The following AGMO variants were observed in gnomAD, a reference collection of about 807,000 sequenced individuals.
AGMO encodes glyceryl-ether monooxygenase.
A neutral mutation model predicts 60.2 loss-of-function variants in AGMO; 75 were observed. The ratio of observed to expected loss-of-function variants is 1.25; its 90% CI spans 1.03 to 1.51. The LOEUF is 1.51. Among genes scored for constraint, AGMO ranks in the 40% most tolerant of loss-of-function variants. AGMO has a pLI of 0.00. For synonymous variants in AGMO, 261 were observed against 177.1 expected (o/e 1.47, Z -3.76); for missense variants, 763 against 525.5 (o/e 1.45, Z -4.42).
chr7:15,246,712 T>G (rs1289130244), intron 12 of AGMO, among the ~76,000 whole-genome samples: 3 of 152,210 alleles, frequency 2.0e-5, no homozygotes, highest in Non-Finnish European at 4.4e-5. Flanking sequence ...TCTTTCTTTC[T>G]TGAACCTAGC....
intron 3 of AGMO, among the ~76,000 whole-genome samples, chr7:15,506,004 A>G (rs1417077650): frequency 6.6e-6 from 1 of 152,072 alleles, no homozygotes; most frequent in East Asian, 1.9e-4. Flanking sequence ...TTAGAAAAGA[A>G]CCAGAAAATA....
chr7:15,493,075 T>G (rs1000094130), intron 3 of AGMO, among the ~76,000 whole-genome samples: 1 of 152,116 alleles, frequency 6.6e-6, no homozygotes, highest in Non-Finnish European at 1.5e-5. Context: ...TCAAACTTCA[T>G]GTGTAAACAT....
At chr7:15,345,475 T>C (rs903935461) in intron 12 of AGMO, among the ~76,000 whole-genome samples, 3 of 152,190 alleles carry the variant, frequency 2.0e-5, no homozygotes, top group African/African-American at 7.2e-5. Context: ...CTGGATTATT[T>C]ATGTTTCCCT....
chr7:15,342,023 A>C lies in AGMO; in HGVS notation c.1263+23491T>G, dbSNP rs373731632. 4.6e-5 allele frequency among the ~76,000 whole-genome samples: 7 copies of C among 152,132 alleles called. No individual in the cohort carries two copies. The East Asian group carries it at 1.2e-3, about 25-fold the overall frequency. On this transcript the variant is annotated intron_variant, in intron 12 of 12. Coordinates refer to ENST00000342526, the MANE Select transcript of AGMO (RefSeq NM_001004320.2). ...ATTTGGGTGGAGACACAGCCAAAGC[A>C]TATCTGTATCTCGCCATGAATGCTC...
chr7:15,423,306 T>C (rs1780973120), intron 4 of AGMO, among the ~76,000 whole-genome samples: 1 of 152,310 alleles, frequency 6.6e-6, no homozygotes, highest in South Asian at 2.1e-4. Flanking sequence ...TACCTGATTA[T>C]AGATAGAGAG....
chr7:15,327,073 C>T (rs1269057550), intron 12 of AGMO, among the ~76,000 whole-genome samples: 1 of 152,068 alleles, frequency 6.6e-6, no homozygotes, highest in Non-Finnish European at 1.5e-5. Flanking sequence ...AGATTTGAAT[C>T]CCATATTGTG....
At chr7:15,174,026 T>C in the AGMO span, among the ~76,000 whole-genome samples, 2 of 152,010 alleles carry the variant, frequency 1.3e-5, no homozygotes, top group African/African-American at 4.8e-5. Context: ...TTTATTTCTG[T>C]TTAGAGATGT....
intron 12 of AGMO, among the ~76,000 whole-genome samples, chr7:15,340,046 G>A (rs1781791619): frequency 6.6e-6 from 1 of 152,174 alleles, no homozygotes; most frequent in Admixed American, 6.5e-5. Flanking sequence ...AGTTGCTTGA[G>A]ACTAGAAGTG....
chr7:15,388,217 C>G (rs924341068), intron 8 of AGMO, among the ~76,000 whole-genome samples: 4 of 152,078 alleles, frequency 2.6e-5, no homozygotes, highest in Non-Finnish European at 5.9e-5. Flanking sequence ...GAATCTGAAG[C>G]AATTCAGAAA....
the AGMO span, among the ~76,000 whole-genome samples, chr7:15,171,853 G>A: frequency 2.0e-5 from 3 of 152,032 alleles, no homozygotes; most frequent in Admixed American, 1.3e-4. Flanking sequence ...ACAAATGTAA[G>A]CTGACTTTAA....
chr7:15,393,217 C>T (rs959902262), intron 6 of AGMO, among the ~76,000 whole-genome samples: 12 of 152,232 alleles, frequency 7.9e-5, no homozygotes, highest in Admixed American at 5.9e-4. Flanking sequence ...TCCCCTTCTA[C>T]TCGACTCCCT....
intron 3 of AGMO, among the ~76,000 whole-genome samples, chr7:15,444,601 G>C (rs972322003): frequency 2.0e-5 from 3 of 152,094 alleles, no homozygotes; most frequent in African/African-American, 7.2e-5. Flanking sequence ...AACATTCTTT[G>C]CTCCTGATTC....
intron 3 of AGMO, among the ~76,000 whole-genome samples, chr7:15,511,055 A>G (rs1264500167): frequency 6.6e-6 from 1 of 152,140 alleles, no homozygotes; most frequent in Non-Finnish European, 1.5e-5. Context: ...TGTGAACTAT[A>G]CATACATTTA....
chr7:15,182,189 G>C, the AGMO span, among the ~76,000 whole-genome samples: 1 of 152,150 alleles, frequency 6.6e-6, no homozygotes, highest in Non-Finnish European at 1.5e-5. Flanking sequence ...TGTTTTCTTA[G>C]GTTTGGGGGA....
At chr7:15,480,637 C>T (rs1466041996) in intron 3 of AGMO, among the ~76,000 whole-genome samples, 2 of 152,142 alleles carry the variant, frequency 1.3e-5, no homozygotes, top group Non-Finnish European at 2.9e-5. Flanking sequence ...AACTATTTTG[C>T]TTTAAAGTGT....
At chr7:15,212,361 T>A (rs1452870474) in intron 12 of AGMO, among the ~76,000 whole-genome samples, 1 of 151,842 alleles carries the variant, frequency 6.6e-6, no homozygotes, top group Non-Finnish European at 1.5e-5. Flanking sequence ...TCTATTAGGT[T>A]GTATTCATTC....
the AGMO span, among the ~76,000 whole-genome samples, chr7:15,135,095 T>C: frequency 2.0e-5 from 3 of 151,354 alleles, no homozygotes; most frequent in Non-Finnish European, 2.9e-5. Context: ...ATATAATATA[T>C]AATTTCAAGT....
At position 15,529,754 on chromosome 7, in the gene AGMO, ATATATATATTTCTC is replaced by A. The variant is rs909715835; in HGVS notation, c.409+15004_409+15017del. 1.4e-3 allele frequency among the ~76,000 whole-genome samples: 146 copies of A among 107,800 alleles called. 43 individuals carry two copies. In the Middle Eastern group the frequency reaches 0.048, roughly 35 times the overall value. 70.7% of individuals were successfully genotyped at this position (107,800 alleles called of 152,430 possible). A position where few individuals can be genotyped will look rare whatever the true frequency, so the allele number is the denominator to read the frequency against. ...ATATATATTCTATATATATATTTCT[ATATATATATTTCTC>A]TATATATATTTCTCTATATATATTT... On this transcript the variant is annotated intron_variant, in intron 3 of 12. Coordinates refer to ENST00000342526, the MANE Select transcript of AGMO (RefSeq NM_001004320.2).
Position 15,394,181 on chromosome 7 carries a change from T to G in AGMO, c.610-2A>C. ...CAAAGGACCAAGGTTATTGATGACC[T>G]GTTTAAAACAGAAGGAATATTTATA... On this transcript the variant is annotated splice_acceptor_variant, in intron 5 of 12. Coordinates refer to ENST00000342526, the MANE Select transcript of AGMO (RefSeq NM_001004320.2). LOFTEE classifies it high-confidence loss of function. 1 of 1,593,828 alleles carries G rather than the reference T, an allele frequency of 6.3e-7. No individual in the cohort carries two copies.
Sources: gnomAD v4.1 joint callset for allele counts (sites outside exome capture counted in the v4.1 genomes callset) on GRCh38, gnomAD v4.1.1 for gene constraint, MANE v1.5 for transcripts, NCBI Gene and HGNC (gene_info 2026-07-23, HGNC 2026-07-21) for gene names.